The following SULF1 variants were observed in gnomAD, a reference collection of about 807,000 sequenced individuals.
SULF1 encodes the protein extracellular sulfatase Sulf-1.
A neutral mutation model predicts 110.5 loss-of-function variants in SULF1; 46 were observed. The observed-to-expected ratio is 0.42, with a 90% CI of 0.33 to 0.53. The LOEUF (loss-of-function observed/expected upper bound fraction) is 0.53, where lower values mean the gene tolerates loss of function less well. Ranked by LOEUF, SULF1 falls within the 20% of genes least tolerant of loss-of-function variation. SULF1 has a pLI of 0.12. For synonymous variants in SULF1, 371 were observed against 387.1 expected (o/e 0.96, Z 0.49); for missense variants, 941 against 1,094.2 (o/e 0.86, Z 1.98).
intron 7 of SULF1, among the ~76,000 whole-genome samples, chr8:69,586,854 T>G (rs1806504185): frequency 6.6e-6 from 1 of 152,208 alleles, no homozygotes; most frequent in African/African-American, 2.4e-5. Flanking sequence ...TCTTGTACTG[T>G]TTTACTTTTC....
At chr8:69,511,436 A>T (rs555819534) in intron 3 of SULF1, among the ~76,000 whole-genome samples, 13 of 152,304 alleles carry the variant, frequency 8.5e-5, no homozygotes, top group African/African-American at 3.1e-4. Context: ...CTGAGCCCTA[A>T]CTGGCTGGAT....
chr8:69,501,439 C>T (rs1359262519), intron 2 of SULF1, among the ~76,000 whole-genome samples: 1 of 152,178 alleles, frequency 6.6e-6, no homozygotes, highest in East Asian at 1.9e-4. Context: ...CTTTGCTAGT[C>T]ATCAAATAAT....
At chr8:69,562,222 A>G (rs1057073171) in intron 3 of SULF1, among the ~76,000 whole-genome samples, 1 of 152,224 alleles carries the variant, frequency 6.6e-6, no homozygotes, top group Non-Finnish European at 1.5e-5. Flanking sequence ...GTTTAAAATA[A>G]TGGGGATACG....
chr8:69,623,882 T>C, intron 14 of SULF1, 60 bp from the exon 15 acceptor site: 1 of 1,558,542 alleles, frequency 6.4e-7, no homozygotes, highest in Non-Finnish European at 8.7e-7. Context: ...AGGTGATCAC[T>C]TTCTTCCCTT....
intron 3 of SULF1, among the ~76,000 whole-genome samples, chr8:69,524,464 G>C (rs547130664): frequency 6.6e-5 from 10 of 152,172 alleles, no homozygotes; most frequent in Admixed American, 6.5e-4. Flanking sequence ...TCAATGACCA[G>C]GTCTTGCATG....
Position 69,604,947 on chromosome 8 carries a change from C to A in SULF1, c.1377+15C>A, listed in dbSNP as rs1044214429. The A allele has an allele frequency of 5.0e-6, 8 of 1,613,160 alleles. No individual in the cohort carries two copies. The highest frequency in any genetic ancestry group is 1.7e-5 in the Admixed American group (1 of 59,678). ...AACCGGGGCAGGTGAGTGACGCAGGCTTTCTTTACCACCACTCATGTGCTT... is the reference window on the plus strand; with the variant it reads ...AACCGGGGCAGGTGAGTGACGCAGGATTTCTTTACCACCACTCATGTGCTT... On this transcript the variant is annotated intron_variant, in intron 13 of 22. Coordinates refer to ENST00000402687, the MANE Select transcript of SULF1 (RefSeq NM_001128205.2).
intron 13 of SULF1, among the ~76,000 whole-genome samples, chr8:69,611,010 T>G (rs1482267102): frequency 3.3e-5 from 5 of 152,282 alleles, no homozygotes; most frequent in African/African-American, 9.6e-5. Flanking sequence ...AGACTCATAC[T>G]GCCTTCGTAC....
Position 69,657,541 on chromosome 8 carries a change from C to T in SULF1, c.2586-964C>T, listed in dbSNP as rs115027421. On this transcript the variant is annotated intron_variant, in intron 22 of 22. Coordinates refer to ENST00000402687, the MANE Select transcript of SULF1 (RefSeq NM_001128205.2). ...GACTCCACTGACACTTCCCTCTTCT[C>T]TCTTCCATACTGTTTTCCCAGAGCT... Among the ~76,000 whole-genome samples the T allele has an allele frequency of 7.4e-3, 1,129 of 152,362 alleles. 7 individuals carry two copies. The highest frequency in any genetic ancestry group is 0.026 in the African/African-American group (1,068 of 41,592).
chr8:69,496,378 C>G (rs1810356394), intron 2 of SULF1, among the ~76,000 whole-genome samples: 1 of 152,240 alleles, frequency 6.6e-6, no homozygotes, highest in African/African-American at 2.4e-5. Context: ...TCTTCCACTT[C>G]TGATGGCTCA....
intron 8 of SULF1, 143 bp downstream of exon 8, chr8:69,589,284 A>C: frequency 1.2e-6 from 1 of 833,374 alleles, no homozygotes. Flanking sequence ...AGAGCAGACC[A>C]CGGAACAGGC....
intron 21 of SULF1, among the ~76,000 whole-genome samples, chr8:69,640,187 AAAG>A (rs1354729489): frequency 1.8e-4 from 8 of 45,182 alleles, no homozygotes; most frequent in East Asian, 1.4e-3. Flanking sequence ...AAGAGAAAAG[AAAG>A]AAAGAGAGAG....
At chr8:69,537,142 T>A (rs1266386592) in intron 3 of SULF1, among the ~76,000 whole-genome samples, 1 of 152,270 alleles carries the variant, frequency 6.6e-6, no homozygotes, top group East Asian at 1.9e-4. Context: ...ATTAGGAGAC[T>A]CTGTGCCCTG....
intron 15 of SULF1, chr8:69,625,992 C>T (rs549074033): frequency 6.6e-6 from 1 of 152,398 alleles, no homozygotes; most frequent in Admixed American, 6.5e-5. Context: ...ACAGGTTCTC[C>T]AAGGCCCCAC....
At chr8:69,507,399 C>G (rs187720696) in intron 3 of SULF1, among the ~76,000 whole-genome samples, 1 of 152,112 alleles carries the variant, frequency 6.6e-6, no homozygotes, top group African/African-American at 2.4e-5. Flanking sequence ...ATCTTGAGTC[C>G]TTAGTTCCAA....
At chr8:69,649,605 C>T (rs1812176178) in intron 22 of SULF1, among the ~76,000 whole-genome samples, 1 of 152,190 alleles carries the variant, frequency 6.6e-6, no homozygotes, top group Admixed American at 6.5e-5. Context: ...CTCAACTTCT[C>T]ATTATCAGTC....
At position 69,538,269 on chromosome 8, in the gene SULF1, T is replaced by G. The variant is rs567491669; in HGVS notation, c.-133-25270T>G. 2.7e-5 allele frequency among the ~76,000 whole-genome samples: 3 copies of G among 110,164 alleles called. No homozygotes were observed. The South Asian group carries it at 1.1e-3, about 39-fold the overall frequency. 72.3% of individuals were successfully genotyped at this position (110,164 alleles called of 152,430 possible). On this transcript the variant is annotated intron_variant, in intron 3 of 22. Transcript: ENST00000402687. ...GTTTGCTTATTGGTTTTTACATTTC[T>G]GTTGCCTTTTTTTTTTTTTGAGCCA...
At chr8:69,485,064 C>G (rs1809651399) in intron 1 of SULF1, among the ~76,000 whole-genome samples, 1 of 152,096 alleles carries the variant, frequency 6.6e-6, no homozygotes, top group African/African-American at 2.4e-5. Context: ...CAGGAAGGGA[C>G]CAGTTGGAGG....
At chr8:69,506,416 A>G (rs1262507231) in intron 3 of SULF1, among the ~76,000 whole-genome samples, 1 of 152,248 alleles carries the variant, frequency 6.6e-6, no homozygotes, top group Non-Finnish European at 1.5e-5. Flanking sequence ...AAATGTTAGT[A>G]TGTACAAGCA....
At chr8:69,562,082 G>A (rs185242258) in intron 3 of SULF1, among the ~76,000 whole-genome samples, 143 of 152,324 alleles carry the variant, frequency 9.4e-4, no homozygotes, top group Non-Finnish European at 1.3e-3. Flanking sequence ...ATGTAGTCAG[G>A]ACTGCCTGGC....
Sources: gnomAD v4.1 joint callset for allele counts (sites outside exome capture counted in the v4.1 genomes callset) on GRCh38, gnomAD v4.1.1 for gene constraint, MANE v1.5 for transcripts, NCBI Gene and HGNC (gene_info 2026-07-23, HGNC 2026-07-21) for gene names.